The following CDK19 variants were observed in gnomAD, a reference collection of about 807,000 sequenced individuals.
The protein encoded by CDK19 is cyclin dependent kinase 19, also known as cyclin-dependent kinase 19.
CDK19 carries 20 observed loss-of-function variants against 68.3 expected under a neutral mutation model. The ratio of observed to expected loss-of-function variants is 0.29; its 90% CI spans 0.21 to 0.43. The LOEUF (loss-of-function observed/expected upper bound fraction) is 0.43. Among genes scored for constraint, CDK19 ranks in the 20% least tolerant of loss-of-function variants. The pLI, the probability that CDK19 is intolerant of heterozygous loss-of-function variation, is 1.00. For synonymous variants in CDK19, 221 were observed against 222.8 expected (o/e 0.99, Z 0.07); for missense variants, 339 against 623.5 (o/e 0.54, Z 4.86).
At position 110,643,335 on chromosome 6, in the gene CDK19, C is replaced by G. The variant is rs78342274; in HGVS notation, c.457-4629G>C. 8.3e-3 allele frequency: 3,975 copies of G among 476,538 alleles called. 28 individuals carry two copies. Among genetic ancestry groups the G allele is most frequent in the Middle Eastern group, 0.016 (47 of 3,014 alleles). 29.5% of individuals were successfully genotyped at this position (476,538 alleles called of 1,614,324 possible). A position where few individuals can be genotyped will look rare whatever the true frequency, so the allele number is the denominator to read the frequency against. On this transcript the variant is annotated intron_variant, in intron 4 of 12. Transcript: ENST00000368911. ...ATAAAAGCTGAAAGTAAAAGGCAAA[C>G]TGCCAAAGGAAAGCTGAGTCAACTA...
chr6:110,807,596 AT>A (rs1782767875), intron 1 of CDK19, among the ~76,000 whole-genome samples: 1 of 152,034 alleles, frequency 6.6e-6, no homozygotes. Context: ...AGTAGCTGGG[AT>A]TACAGGTGTG....
Position 110,621,044 on chromosome 6 carries a change from C to G in CDK19, c.1377+60G>C, listed in dbSNP as rs1161466319. The G allele has an allele frequency of 2.7e-6, 4 of 1,493,400 alleles. No individual in the cohort carries two copies. The highest frequency in any genetic ancestry group is 3.6e-6 in the Non-Finnish European group (4 of 1,100,252). 92.5% of individuals were successfully genotyped at this position (1,493,400 alleles called of 1,614,324 possible). A position where few individuals can be genotyped will look rare whatever the true frequency, so the allele number is the denominator to read the frequency against. On this transcript the variant is annotated intron_variant, in intron 12 of 12. Transcript: ENST00000368911. The surrounding 1 kb of genome is among the most constrained non-coding windows in gnomAD (Gnocchi z 5.4). ...AAGTGTTACTTAACTCTAAAAGGAT[C>G]TAGGATAAATCTTTTCCCCACTTCA... is the stretch of plus-strand genomic sequence containing the variant.
At chr6:110,704,864 A>G (rs963042087) in intron 2 of CDK19, among the ~76,000 whole-genome samples, 1 of 152,082 alleles carries the variant, frequency 6.6e-6, no homozygotes, top group African/African-American at 2.4e-5. Flanking sequence ...GGCATGGGCA[A>G]TGGCAATAAA....
chr6:110,814,443 C>T (rs570052414), intron 1 of CDK19: 35 of 359,124 alleles, frequency 9.7e-5, no homozygotes, highest in African/African-American at 7.2e-4. Flanking sequence ...GAGAAGCCAA[C>T]GGGCCGGCCA....
In CDK19 at chr6:110,719,972, GCCCCCCCCCCCCCA is replaced by G. The variant is rs1263928818; in HGVS notation, c.204+26140_204+26153del. Reference sequence around the variant, plus strand: ...TCTTGAACTCCTGACCTTGTGATCCGCCCCCCCCCCCCCACCCCCCCCCTGCTTCGGCCTCCCAA... The same window carrying G: ...TCTTGAACTCCTGACCTTGTGATCCGCCCCCCCCCTGCTTCGGCCTCCCAA... On this transcript the variant is annotated intron_variant, in intron 2 of 12. Coordinates refer to ENST00000368911, the MANE Select transcript of CDK19 (RefSeq NM_015076.5). Among the ~76,000 whole-genome samples, 31 of 45,518 alleles carry G rather than the reference GCCCCCCCCCCCCCA, an allele frequency of 6.8e-4. 1 individual carries two copies. Among genetic ancestry groups the G allele is most frequent in the African/African-American group, 2.1e-3 (25 of 11,992 alleles). 29.9% of individuals were successfully genotyped at this position (45,518 alleles called of 152,430 possible). A position where few individuals can be genotyped will look rare whatever the true frequency, so the allele number is the denominator to read the frequency against.
chr6:110,775,537 T>C (rs1780338397), intron 1 of CDK19, among the ~76,000 whole-genome samples: 1 of 152,226 alleles, frequency 6.6e-6, no homozygotes, highest in Non-Finnish European at 1.5e-5. Flanking sequence ...AAATCTACCT[T>C]GTTCCAATAT....
At chr6:110,764,992 G>T (rs1779477457) in intron 1 of CDK19, among the ~76,000 whole-genome samples, 1 of 65,310 alleles carries the variant, frequency 1.5e-5, no homozygotes, top group South Asian at 5.3e-4. Flanking sequence ...AAAATTTTAG[G>T]GGATAACATA....
intron 2 of CDK19, among the ~76,000 whole-genome samples, chr6:110,674,920 C>T (rs889634612): frequency 1.1e-4 from 16 of 146,898 alleles, no homozygotes; most frequent in Non-Finnish European, 2.0e-4. Flanking sequence ...AAAAAAAAGA[C>T]AAAGCCTAAT....
At chr6:110,717,764 C>T (rs1444963035) in intron 2 of CDK19, among the ~76,000 whole-genome samples, 4 of 152,120 alleles carry the variant, frequency 2.6e-5, no homozygotes, top group East Asian at 1.9e-4. Flanking sequence ...TGCAAGGGCA[C>T]GATCTTGGCT....
intron 4 of CDK19, among the ~76,000 whole-genome samples, chr6:110,655,243 G>A (rs939291590): frequency 2.0e-5 from 3 of 151,792 alleles, no homozygotes; most frequent in African/African-American, 2.4e-5. Flanking sequence ...GCACGCACCT[G>A]TAGTCCTAGC....
intron 2 of CDK19, among the ~76,000 whole-genome samples, chr6:110,686,225 T>TA (rs1037946509): frequency 4.6e-5 from 7 of 152,192 alleles, no homozygotes; most frequent in Non-Finnish European, 7.3e-5. Flanking sequence ...ATGGTGAGGC[T>TA]ATTAAGGAAA....
chr6:110,770,925 T>C (rs1156740287), intron 1 of CDK19, among the ~76,000 whole-genome samples: 1 of 152,228 alleles, frequency 6.6e-6, no homozygotes, highest in Non-Finnish European at 1.5e-5. Context: ...ATGATCTCCT[T>C]TGACTCGAGG....
intron 2 of CDK19, among the ~76,000 whole-genome samples, chr6:110,686,197 A>G (rs1433867921): frequency 6.6e-5 from 10 of 152,232 alleles, no homozygotes; most frequent in Non-Finnish European, 1.5e-4. Context: ...CAAAATGGAC[A>G]ATTTTTAAAT....
intron 4 of CDK19, among the ~76,000 whole-genome samples, chr6:110,648,500 G>A (rs1347705176): frequency 6.0e-5 from 9 of 150,038 alleles, no homozygotes; most frequent in African/African-American, 2.2e-4. Context: ...GAATGTACAA[G>A]ATTGGTATGC....
intron 2 of CDK19, among the ~76,000 whole-genome samples, chr6:110,719,762 A>G (rs1775682616): frequency 1.3e-5 from 2 of 152,026 alleles, no homozygotes; most frequent in South Asian, 4.1e-4. Flanking sequence ...ACAGAGTCTC[A>G]CTCTGTCACA....
intron 2 of CDK19, among the ~76,000 whole-genome samples, chr6:110,687,461 A>G (rs1772590272): frequency 1.3e-5 from 2 of 152,238 alleles, no homozygotes; most frequent in African/African-American, 4.8e-5. Flanking sequence ...AGGAATTTTA[A>G]CAGTAGTAAT....
chr6:110,728,716 G>A (rs1247736178), intron 2 of CDK19, among the ~76,000 whole-genome samples: 1 of 151,980 alleles, frequency 6.6e-6, no homozygotes, highest in Non-Finnish European at 1.5e-5. Context: ...ATCACTTCAG[G>A]CACACCAGCA....
At chr6:110,815,834 T>A (rs1783608213), upstream of CDK19, 1 of 152,434 alleles carries the variant, frequency 6.6e-6, no homozygotes, top group South Asian at 2.1e-4. Context: ...CTGCAGTGAC[T>A]CGGGAGGCGA....
chr6:110,755,510 T>C (rs1778777203), intron 1 of CDK19, among the ~76,000 whole-genome samples: 1 of 152,078 alleles, frequency 6.6e-6, no homozygotes, highest in South Asian at 2.1e-4. Flanking sequence ...AAAGGAACAT[T>C]TGAGTGGGTC....
Sources: gnomAD v4.1 joint callset for allele counts (sites outside exome capture counted in the v4.1 genomes callset) on GRCh38, gnomAD v4.1.1 for gene constraint, Gnocchi (gnomAD v3.1) non-coding constraint, MANE v1.5 for transcripts, NCBI Gene and HGNC (gene_info 2026-07-23, HGNC 2026-07-21) for gene names.